Variants in PIEZO2 observed in about 807,000 individuals in gnomAD.
PIEZO2 encodes piezo type mechanosensitive ion channel component 2, also known as piezo-type mechanosensitive ion channel component 2.
In PIEZO2, 172 loss-of-function variants were observed where a neutral mutation model predicts 337.3. The ratio of observed to expected loss-of-function variants is 0.51; its 90% confidence interval spans 0.45 to 0.58. The LOEUF (loss-of-function observed/expected upper bound fraction) is 0.58, where lower values mean the gene tolerates loss of function less well. Ranked by LOEUF, PIEZO2 falls within the 20% of genes least tolerant of loss-of-function variation. The probability of loss-of-function intolerance (pLI) is 0.00; values close to 1 mark genes in which losing one functional copy is unlikely to be tolerated. For missense variants in PIEZO2, 3,028 were observed against 3,391.3 expected, an observed-to-expected ratio of 0.89 and a Z score of 2.66; for synonymous variants, 1,251 against 1,228.5, an observed-to-expected ratio of 1.02 and a Z score of -0.38.
At chr18:11,036,141 C>T (rs532957885) in intron 2 of PIEZO2, among the ~76,000 whole-genome samples, 1 of 152,250 alleles carries the variant, frequency 6.6e-6, no homozygotes, top group African/African-American at 2.4e-5. Context: ...CAAATGAAGC[C>T]CTTTGTTCCC....
At chr18:10,764,231 A>G (rs2038259454) in intron 21 of PIEZO2, among the ~76,000 whole-genome samples, 1 of 152,230 alleles carries the variant, frequency 6.6e-6, no homozygotes, top group Non-Finnish European at 1.5e-5. Flanking sequence ...AATGTTTAAT[A>G]TTCTCAGGTA....
intron 47 of PIEZO2, among the ~76,000 whole-genome samples, chr18:10,695,067 C>T (rs962451934): frequency 3.3e-5 from 5 of 152,326 alleles, no homozygotes; most frequent in African/African-American, 1.2e-4. Context: ...AGGCCACATT[C>T]ACCTTCTGCA....
In PIEZO2 at chr18:11,095,983, C is replaced by A. The variant is rs531383034; in HGVS notation, c.65-29761G>T. On this transcript the variant is annotated intron_variant, in intron 1 of 55. Coordinates refer to ENST00000674853, the MANE Select transcript of PIEZO2 (RefSeq NM_001378183.1). The stretch of plus-strand genomic sequence containing the variant: ...TGTCAGGGAGAAATATCACTTCTTC[C>A]AAATTCAACACTGAAAAACCTTTCT... 1.4e-4 allele frequency among the ~76,000 whole-genome samples: 22 copies of A among 152,306 alleles called. No individual in the cohort carries two copies. The South Asian group carries it at 4.6e-3, about 32-fold the overall frequency.
At chr18:10,684,122 T>C (rs950007814) in intron 49 of PIEZO2, among the ~76,000 whole-genome samples, 2 of 134,174 alleles carry the variant, frequency 1.5e-5, no homozygotes, top group Non-Finnish European at 3.2e-5. Flanking sequence ...CTTTCTTTCT[T>C]TCTCTCTCTC....
At chr18:10,827,204 G>A (rs1243324904) in intron 7 of PIEZO2, among the ~76,000 whole-genome samples, 1 of 152,086 alleles carries the variant, frequency 6.6e-6, no homozygotes, top group East Asian at 1.9e-4. Flanking sequence ...TCAATTTTAT[G>A]CTCTTTATTT....
intron 7 of PIEZO2, among the ~76,000 whole-genome samples, chr18:10,841,023 A>G (rs1315621658): frequency 6.6e-6 from 1 of 152,200 alleles, no homozygotes; most frequent in Non-Finnish European, 1.5e-5. Flanking sequence ...GTGATCTGAG[A>G]TGATTTGTAG....
At chr18:10,702,229 G>A (rs1717331607) in intron 42 of PIEZO2, 58 bp from the exon 43 acceptor site, 1 of 1,444,882 alleles carries the variant, frequency 6.9e-7, no homozygotes. Flanking sequence ...AGATATACCT[G>A]TATATGGGAA....
rs1017017716 is a variant in PIEZO2 at position 10,894,517 on chromosome 18, G to C, written c.329+16669C>G. 1 of 152,172 alleles carries C rather than the reference G, an allele frequency of 6.6e-6. No individual in the cohort carries two copies. Among genetic ancestry groups the C allele is most frequent in the African/African-American group, 2.4e-5 (1 of 41,438 alleles). The allele number at this position is 152,172 out of a possible 1,614,324, so 9.4% of individuals were successfully genotyped here. Reference sequence around the variant, plus strand: ...CTTCCAGGGACATTTCGCAGGTAAAGGGAAGCACGCCTCAAGTGATCATGC... The same window carrying C: ...CTTCCAGGGACATTTCGCAGGTAAACGGAAGCACGCCTCAAGTGATCATGC... On this transcript the variant is annotated intron_variant, in intron 4 of 55. Transcript: ENST00000674853. This position sits in a 1 kb window ranked among gnomAD's most constrained non-coding sequence, Gnocchi z 4.1.
intron 21 of PIEZO2, among the ~76,000 whole-genome samples, chr18:10,765,263 A>G (rs1167432215): frequency 6.6e-6 from 1 of 152,218 alleles, no homozygotes; most frequent in African/African-American, 2.4e-5. Flanking sequence ...CAGACTTGGG[A>G]GAGCATGGGC....
At chr18:11,046,348 G>A (rs2037313822) in intron 2 of PIEZO2, among the ~76,000 whole-genome samples, 2 of 152,218 alleles carry the variant, frequency 1.3e-5, no homozygotes, top group South Asian at 4.1e-4. Context: ...AGTGTTGGCT[G>A]AACTCTCACT....
At chr18:11,015,485 T>C (rs1437037971) in intron 2 of PIEZO2, among the ~76,000 whole-genome samples, 1 of 152,238 alleles carries the variant, frequency 6.6e-6, no homozygotes, top group Non-Finnish European at 1.5e-5. Flanking sequence ...ATCTGCAAAG[T>C]CCTTTTTGCC....
Position 10,943,958 on chromosome 18 carries a change from T to C in PIEZO2, c.287-32730A>G, listed in dbSNP as rs1445824398. On this transcript the variant is annotated intron_variant, in intron 3 of 55. Coordinates refer to ENST00000674853, the MANE Select transcript of PIEZO2 (RefSeq NM_001378183.1). The surrounding 1 kb of genome is among the most constrained non-coding windows in gnomAD (Gnocchi z 4.5). Reference sequence around the variant, plus strand: ...CTCTCTTTGCCTGCTGCCATCCACGTATGATGTGACTTCCTCCTACTTGCC... The same window carrying C: ...CTCTCTTTGCCTGCTGCCATCCACGCATGATGTGACTTCCTCCTACTTGCC... Among the ~76,000 whole-genome samples the C allele has an allele frequency of 1.3e-5, 2 of 152,160 alleles. No homozygotes were observed. Among genetic ancestry groups the C allele is most frequent in the Non-Finnish European group, 2.9e-5 (2 of 68,036 alleles).
chr18:10,679,291 C>T (rs2034156071), intron 52 of PIEZO2, among the ~76,000 whole-genome samples: 1 of 152,126 alleles, frequency 6.6e-6, no homozygotes, highest in Non-Finnish European at 1.5e-5. Flanking sequence ...TGTAAAATTC[C>T]CCCAGACTGT....
rs936639917 is a variant in PIEZO2 at position 10,870,868 on chromosome 18, T to C, written c.492+385A>G. On this transcript the variant is annotated intron_variant, in intron 5 of 55. Transcript: ENST00000674853. The surrounding 1 kb of genome is among the most constrained non-coding windows in gnomAD (Gnocchi z 5.3). ...CCCTGCAAGGAGGAACTCATTTTTT[T>C]CCCTAAAACTACCAGATGTTACTTC... Among the ~76,000 whole-genome samples the C allele has an allele frequency of 6.6e-5, 10 of 152,176 alleles. No individual in the cohort carries two copies. The highest frequency in any genetic ancestry group is 4.4e-5 in the Non-Finnish European group (3 of 68,032).
In PIEZO2 at chr18:11,101,845, GCTCTTGTA is replaced by G. The variant is rs145482460; in HGVS notation, c.65-35631_65-35624del. Among the ~76,000 whole-genome samples the G allele has an allele frequency of 8.0e-3, 1,216 of 152,248 alleles. 16 individuals carry two copies. Among genetic ancestry groups the G allele is most frequent in the African/African-American group, 0.027 (1,140 of 41,544 alleles). ...CATGCTAAATTTTTGGGACACACAAGCTCTTGTACTCTTGTACTATACTACTTATAAGC... is the reference window on the plus strand; with the variant it reads ...CATGCTAAATTTTTGGGACACACAAGCTCTTGTACTATACTACTTATAAGC... On this transcript the variant is annotated intron_variant, in intron 1 of 55. Transcript: ENST00000674853. This position sits in a 1 kb window ranked among gnomAD's most constrained non-coding sequence, Gnocchi z 4.4.
intron 16 of PIEZO2, among the ~76,000 whole-genome samples, chr18:10,786,579 A>T (rs1398407861): frequency 6.6e-6 from 1 of 152,260 alleles, no homozygotes; most frequent in African/African-American, 2.4e-5. Flanking sequence ...CCACATGCAC[A>T]GGAACACCAT....
Position 10,795,138 on chromosome 18 carries a change from T to C in PIEZO2, c.1528-136A>G, listed in dbSNP as rs547102991. The stretch of plus-strand genomic sequence containing the variant: ...GGGAGAGTAGAGAGTTGTGGTGGAG[T>C]GATGGAGACCCCAAGCCGTGGAGTG... On this transcript the variant is annotated intron_variant, in intron 12 of 55. Transcript: ENST00000674853. The surrounding 1 kb of genome is among the most constrained non-coding windows in gnomAD (Gnocchi z 4.4). The C allele has an allele frequency of 6.0e-5, 45 of 751,242 alleles. No individual in the cohort carries two copies. The African/African-American group carries it at 6.9e-4, about 12-fold the overall frequency. The allele number at this position is 751,242 out of a possible 1,614,324, so 46.5% of individuals were successfully genotyped here.
chr18:11,119,913 T>C (rs539221245), intron 1 of PIEZO2, among the ~76,000 whole-genome samples: 1 of 152,228 alleles, frequency 6.6e-6, no homozygotes, highest in Non-Finnish European at 1.5e-5. Context: ...AATTACTACC[T>C]AGTTGATACT....
At chr18:10,886,378 G>GTATATACATATACACACACATATATA (rs1214519492) in intron 4 of PIEZO2, among the ~76,000 whole-genome samples, 1 of 3,180 alleles carries the variant, frequency 3.1e-4, no homozygotes, top group African/African-American at 1.8e-3. Flanking sequence ...ATGTGTGTGT[G>GTATATACATATACACACACATATATA]TGTATATATA....
Sources: allele counts gnomAD v4.1 joint callset (sites outside exome capture counted in the v4.1 genomes callset), GRCh38; gene constraint gnomAD v4.1.1; non-coding constraint Gnocchi (gnomAD v3.1); transcripts MANE v1.5; gene names NCBI Gene and HGNC (gene_info 2026-07-23, HGNC 2026-07-21).